Variants in DDX60 observed in about 807,000 individuals in gnomAD.
DDX60 encodes the protein DExD/H-box helicase 60, also known as probable ATP-dependent RNA helicase DDX60.
A neutral mutation model predicts 212.8 loss-of-function variants in DDX60; 165 were observed. The ratio of observed to expected loss-of-function variants is 0.78; its 90% CI spans 0.68 to 0.88. DDX60 has a LOEUF of 0.88. Among genes scored for constraint, DDX60 ranks in the 40% least tolerant of loss-of-function variants. The pLI is 0.00. For synonymous variants in DDX60, 703 were observed against 685.3 expected (o/e 1.03, Z -0.40); for missense variants, 1,905 against 2,003.9 (o/e 0.95, Z 0.94).
At chr4:168,227,232 G>T in intron 33 of DDX60, among the ~76,000 whole-genome samples, 1 of 150,024 alleles carries the variant, frequency 6.7e-6, no homozygotes, top group Admixed American at 6.7e-5. Context: ...TTAAATAATA[G>T]ATTAAATTTC....
At chr4:168,271,796 G>A (rs1269421511) in intron 19 of DDX60, among the ~76,000 whole-genome samples, 1 of 152,122 alleles carries the variant, frequency 6.6e-6, no homozygotes, top group African/African-American at 2.4e-5. Flanking sequence ...CCCTGAAACA[G>A]TTGTCAATGA....
intron 25 of DDX60, among the ~76,000 whole-genome samples, chr4:168,258,195 A>G (rs1199377576): frequency 6.6e-6 from 1 of 152,256 alleles, no homozygotes; most frequent in East Asian, 1.9e-4. Flanking sequence ...ACATTTTTGT[A>G]GCACTGTACT....
the DDX60 span, among the ~76,000 whole-genome samples, chr4:168,325,399 ATTAATT>A: frequency 2.0e-5 from 3 of 152,212 alleles, 1 homozygote; most frequent in South Asian, 6.2e-4. Context: ...TTCATTCTCT[ATTAATT>A]TTGTTTAGGT....
intron 10 of DDX60, among the ~76,000 whole-genome samples, chr4:168,286,309 AAAG>A (rs1302776299): frequency 2.6e-5 from 4 of 151,876 alleles, no homozygotes; most frequent in South Asian, 2.1e-4. Context: ...ATGAAATAAA[AAAG>A]AAGTAGGGAA....
chr4:168,247,512 C>G (rs1454550917), intron 29 of DDX60, among the ~76,000 whole-genome samples: 1 of 152,148 alleles, frequency 6.6e-6, no homozygotes. Flanking sequence ...TAAAAACCTG[C>G]ATGTGGGTGA....
chr4:168,216,727 A>G lies in DDX60; in HGVS notation c.*206T>C. On this transcript the variant is annotated 3_prime_UTR_variant, in exon 38 of 38. Coordinates refer to ENST00000393743, the MANE Select transcript of DDX60 (RefSeq NM_017631.6). ...TAAAAAGAAACCAAGATTCAGGTAT[A>G]CTAAATAATTTGTGAGTATTCATGA... 2.4e-6 allele frequency: 1 copy of G among 424,008 alleles called. No individual in the cohort carries two copies. The allele number at this position is 424,008 out of a possible 1,614,324, so 26.3% of individuals were successfully genotyped here. A position where few individuals can be genotyped will look rare whatever the true frequency, so the allele number is the denominator to read the frequency against.
chr4:168,266,716 T>C (rs1004156284), intron 22 of DDX60, among the ~76,000 whole-genome samples: 20 of 152,182 alleles, frequency 1.3e-4, no homozygotes, highest in African/African-American at 4.8e-4. Flanking sequence ...ACCTTGGTTG[T>C]CAAGCTAAGG....
chr4:168,229,461 C>T (rs1293768465), intron 33 of DDX60, among the ~76,000 whole-genome samples: 2 of 152,102 alleles, frequency 1.3e-5, no homozygotes, highest in African/African-American at 2.4e-5. Context: ...TCCAGCTGAA[C>T]TCTGTAACAA....
intron 22 of DDX60, 48 bp from the exon 23 acceptor site, chr4:168,262,835 C>T (rs762631605): frequency 1.5e-5 from 20 of 1,315,006 alleles, no homozygotes; most frequent in South Asian, 1.0e-4. Flanking sequence ...TATTTTATGT[C>T]GTATCCTTTG....
intron 30 of DDX60, among the ~76,000 whole-genome samples, chr4:168,241,631 A>T (rs1332454464): frequency 6.6e-6 from 1 of 152,162 alleles, no homozygotes; most frequent in Non-Finnish European, 1.5e-5. Context: ...GGTATCTTGC[A>T]GAAGAAATTT....
At chr4:168,259,025 T>G (rs1380076078) in intron 25 of DDX60, among the ~76,000 whole-genome samples, 1 of 152,166 alleles carries the variant, frequency 6.6e-6, no homozygotes. Context: ...TTTTCACAAT[T>G]TACCACTCTT....
chr4:168,257,119 G>T (rs2149509066), intron 25 of DDX60, among the ~76,000 whole-genome samples: 1 of 152,346 alleles, frequency 6.6e-6, no homozygotes, highest in East Asian at 1.9e-4. Flanking sequence ...GAAGTCAGGA[G>T]TTCGAGACCA....
chr4:168,324,692 G>C, the DDX60 span, among the ~76,000 whole-genome samples: 1 of 152,324 alleles, frequency 6.6e-6, no homozygotes, highest in African/African-American at 2.4e-5. Context: ...TAATTTTCAG[G>C]AATTTAACCA....
intron 30 of DDX60, among the ~76,000 whole-genome samples, chr4:168,239,597 G>A (rs1490652856): frequency 1.3e-4 from 20 of 152,086 alleles, no homozygotes; most frequent in Admixed American, 1.3e-3. Context: ...GGTGAGGGTA[G>A]GCTTCACTAT....
intron 6 of DDX60, 72 bp from the exon 7 acceptor site, chr4:168,294,017 G>T: frequency 7.1e-7 from 1 of 1,415,744 alleles, no homozygotes; most frequent in Non-Finnish European, 9.6e-7. Context: ...GATCTTACTA[G>T]TGGGTACTAC....
chr4:168,254,681 T>C (rs986199857), intron 26 of DDX60, among the ~76,000 whole-genome samples: 3 of 152,112 alleles, frequency 2.0e-5, no homozygotes, highest in African/African-American at 7.2e-5. Context: ...TACTAGCTAT[T>C]GAAAGTGTAG....
At chr4:168,294,272 A>C (rs1256652118) in intron 6 of DDX60, among the ~76,000 whole-genome samples, 1 of 152,180 alleles carries the variant, frequency 6.6e-6, no homozygotes, top group Non-Finnish European at 1.5e-5. Context: ...AAATGGATTA[A>C]AGACTTACAT....
At chr4:168,315,875 T>C (rs1416252539) in intron 1 of DDX60, among the ~76,000 whole-genome samples, 1 of 152,228 alleles carries the variant, frequency 6.6e-6, no homozygotes, top group African/African-American at 2.4e-5. Context: ...TAAATAGTGC[T>C]GCAATCAACA....
intron 1 of DDX60, among the ~76,000 whole-genome samples, chr4:168,314,444 T>C (rs1189131803): frequency 6.6e-6 from 1 of 152,194 alleles, no homozygotes; most frequent in Non-Finnish European, 1.5e-5. Flanking sequence ...CAAAATTTTC[T>C]AATTACTGCT....
Sources: allele counts gnomAD v4.1 joint callset (sites outside exome capture counted in the v4.1 genomes callset), GRCh38; gene constraint gnomAD v4.1.1; transcripts MANE v1.5; gene names NCBI Gene and HGNC (gene_info 2026-07-23, HGNC 2026-07-21).